SLC14A2: variants seen among roughly 807,000 people sequenced by gnomAD.
SLC14A2 encodes the protein solute carrier family 14 member 2.
In SLC14A2, 91 loss-of-function variants were observed where a neutral mutation model predicts 104.6. The observed-to-expected ratio is 0.87, with a 90% CI of 0.73 to 1.04. The LOEUF (loss-of-function observed/expected upper bound fraction) is 1.04, where lower values mean the gene tolerates loss of function less well. SLC14A2 is among the 50% of genes least tolerant of loss of function. The probability of loss-of-function intolerance (pLI) is 0.00; values close to 1 mark genes in which losing one functional copy is unlikely to be tolerated. For synonymous variants in SLC14A2, 476 were observed against 466.4 expected (o/e 1.02, Z -0.27); for missense variants, 1,189 against 1,156.0 (o/e 1.03, Z -0.41).
At chr18:45,355,788 G>A (rs2085548067) in intron 1 of SLC14A2, among the ~76,000 whole-genome samples, 1 of 152,056 alleles carries the variant, frequency 6.6e-6, no homozygotes, top group Non-Finnish European at 1.5e-5. Context: ...TCAGAACACT[G>A]GGTGGGCTGA....
chr18:45,515,900 T>G (rs1476963018), intron 2 of SLC14A2, among the ~76,000 whole-genome samples: 1 of 152,242 alleles, frequency 6.6e-6, no homozygotes, highest in Admixed American at 6.5e-5. Flanking sequence ...CTCCTTGAAG[T>G]TATCCATGGA....
intron 1 of SLC14A2, among the ~76,000 whole-genome samples, chr18:45,314,408 T>C (rs552214028): frequency 7.2e-5 from 11 of 152,322 alleles, no homozygotes; most frequent in South Asian, 2.1e-4. Context: ...TCATAAGTAG[T>C]CATCCTAACC....
intron 1 of SLC14A2, among the ~76,000 whole-genome samples, chr18:45,458,771 C>A (rs2086989728): frequency 6.6e-6 from 1 of 152,144 alleles, no homozygotes; most frequent in African/African-American, 2.4e-5. Flanking sequence ...TCCCAGTGTC[C>A]TCAAACATTT....
At chr18:45,680,221 C>T (rs1307056268) in intron 19 of SLC14A2, among the ~76,000 whole-genome samples, 2 of 152,192 alleles carry the variant, frequency 1.3e-5, no homozygotes, top group Non-Finnish European at 2.9e-5. Context: ...CCACTAAATC[C>T]GTGCCATGTG....
chr18:45,432,598 C>T (rs564600763), intron 1 of SLC14A2, among the ~76,000 whole-genome samples: 1 of 152,302 alleles, frequency 6.6e-6, no homozygotes, highest in Admixed American at 6.5e-5. Flanking sequence ...ACTGCAATTT[C>T]TCTGCAGCAG....
chr18:45,520,600 A>G (rs1197842416), intron 2 of SLC14A2, among the ~76,000 whole-genome samples: 2 of 152,238 alleles, frequency 1.3e-5, no homozygotes, highest in African/African-American at 4.8e-5. Flanking sequence ...CTAGATCTTT[A>G]TAGAGAAGTG....
At chr18:45,518,589 G>A (rs1016947703) in intron 2 of SLC14A2, among the ~76,000 whole-genome samples, 1 of 152,212 alleles carries the variant, frequency 6.6e-6, no homozygotes, top group African/African-American at 2.4e-5. Context: ...GAAGAGACTT[G>A]TTAACTTGCC....
intron 2 of SLC14A2, among the ~76,000 whole-genome samples, chr18:45,504,578 A>G (rs1429315690): frequency 6.6e-6 from 1 of 152,172 alleles, no homozygotes; most frequent in African/African-American, 2.4e-5. Flanking sequence ...CCTTATGTGG[A>G]TAAGTCTTTC....
rs561328901 is a variant in SLC14A2 at position 45,621,929 on chromosome 18, A to G, written c.-34-2702A>G. On this transcript the variant is annotated intron_variant, in intron 1 of 19. Transcript: ENST00000255226. ...CATGCCAATGAACCAGCACTTGCAG[A>G]GGCCCTGAGGTGGAAAGTGTTCAAC... 1.1e-3 allele frequency among the ~76,000 whole-genome samples: 170 copies of G among 152,276 alleles called. 1 individual carries two copies. The highest frequency in any genetic ancestry group is 3.7e-3 in the African/African-American group (155 of 41,554).
intron 1 of SLC14A2, among the ~76,000 whole-genome samples, chr18:45,307,132 C>T (rs2085030308): frequency 6.6e-6 from 1 of 152,064 alleles, no homozygotes; most frequent in Non-Finnish European, 1.5e-5. Context: ...AAAGACTAAC[C>T]TTGGCCGGGC....
chr18:45,398,016 A>G (rs142242841), intron 1 of SLC14A2, among the ~76,000 whole-genome samples: 2 of 152,284 alleles, frequency 1.3e-5, no homozygotes, highest in East Asian at 3.9e-4. Flanking sequence ...TTAGGAAGTA[A>G]TATTTATTGA....
At chr18:45,184,609 A>G in the SLC14A2 span, among the ~76,000 whole-genome samples, 1 of 152,238 alleles carries the variant, frequency 6.6e-6, no homozygotes, top group East Asian at 1.9e-4. Flanking sequence ...GTAACTACTG[A>G]CTTACTTAAT....
At position 45,277,342 on chromosome 18, in the gene SLC14A2, T is replaced by C. The variant is rs149923934; in HGVS notation, c.-125+64151T>C. Among the ~76,000 whole-genome samples the C allele has an allele frequency of 3.0e-4, 46 of 152,360 alleles. No individual in the cohort carries two copies. In the East Asian group the frequency reaches 7.7e-3, roughly 26 times the overall value. The stretch of plus-strand genomic sequence containing the variant: ...ATTATAAGATGCCACAACTTTATAA[T>C]GCATATCTATTCCAGAATGTTAAAA... On this transcript the variant is annotated intron_variant, in intron 1 of 20. Coordinates refer to the SLC14A2 transcript ENST00000586448.
chr18:45,315,935 C>T (rs866728278), intron 1 of SLC14A2, among the ~76,000 whole-genome samples: 6 of 152,284 alleles, frequency 3.9e-5, no homozygotes, highest in East Asian at 1.9e-4. Context: ...ATATAAATAC[C>T]GCTGGGAGGG....
At chr18:45,233,399 G>A (rs1003100255) in intron 1 of SLC14A2, among the ~76,000 whole-genome samples, 1 of 152,064 alleles carries the variant, frequency 6.6e-6, no homozygotes, top group Non-Finnish European at 1.5e-5. Flanking sequence ...GTGACTCTTT[G>A]ACCCTGATGA....
intron 2 of SLC14A2, among the ~76,000 whole-genome samples, chr18:45,581,535 C>T (rs1200418400): frequency 6.6e-6 from 1 of 152,156 alleles, no homozygotes; most frequent in African/African-American, 2.4e-5. Context: ...CCAAAAACAA[C>T]ACCAACATCA....
At chr18:45,641,152 G>T in intron 7 of SLC14A2, 57 bp from the exon 8 acceptor site, 1 of 1,589,116 alleles carries the variant, frequency 6.3e-7, no homozygotes. Flanking sequence ...CCAGTCCCAG[G>T]GTGGTCTTTG....
intron 2 of SLC14A2, among the ~76,000 whole-genome samples, chr18:45,555,392 A>C (rs1240444713): frequency 6.6e-6 from 1 of 152,228 alleles, no homozygotes; most frequent in Non-Finnish European, 1.5e-5. Flanking sequence ...ACACTCTTTG[A>C]CTTAAGATGG....
intron 1 of SLC14A2, among the ~76,000 whole-genome samples, chr18:45,294,472 T>C (rs764306078): frequency 6.2e-4 from 95 of 152,220 alleles, no homozygotes; most frequent in Non-Finnish European, 1.1e-3. Context: ...CAAACTGTTA[T>C]TTGTTTTGCA....
Sources: allele counts gnomAD v4.1 joint callset (sites outside exome capture counted in the v4.1 genomes callset), GRCh38; gene constraint gnomAD v4.1.1; transcripts MANE v1.5; gene names NCBI Gene and HGNC (gene_info 2026-07-23, HGNC 2026-07-21).